SLC9C1: variants seen among roughly 807,000 people sequenced by gnomAD.
SLC9C1 encodes solute carrier family 9 member C1.
In SLC9C1, 97 loss-of-function variants were observed where a neutral mutation model predicts 140.9. The observed-to-expected ratio is 0.69, with a 90% CI of 0.58 to 0.82. The LOEUF (loss-of-function observed/expected upper bound fraction) is 0.82, where lower values mean the gene tolerates loss of function less well. Among genes scored for constraint, SLC9C1 ranks in the 40% least tolerant of loss-of-function variants. The pLI, the probability that SLC9C1 is intolerant of heterozygous loss-of-function variation, is 0.00. For missense variants in SLC9C1, 1,340 were observed against 1,389.3 expected (o/e 0.96, Z 0.56); for synonymous variants, 440 against 442.6 (o/e 0.99, Z 0.07).
intron 3 of SLC9C1, 97 bp downstream of exon 3, chr3:112,280,586 G>A: frequency 1.0e-6 from 1 of 964,600 alleles, no homozygotes; most frequent in Non-Finnish European, 1.5e-6. Flanking sequence ...TGGCAGAACA[G>A]TGAGGGGATG....
intron 26 of SLC9C1, among the ~76,000 whole-genome samples, chr3:112,156,207 G>A (rs1228563071): frequency 6.6e-6 from 1 of 151,916 alleles, no homozygotes; most frequent in Non-Finnish European, 1.5e-5. Context: ...ATACTTCTAT[G>A]AGATCCACTT....
chr3:112,217,365 G>T, intron 15 of SLC9C1, 77 bp downstream of exon 15: 1 of 1,482,924 alleles, frequency 6.7e-7, no homozygotes, highest in South Asian at 1.5e-5. Flanking sequence ...AAAAATTCAA[G>T]ATACCATTTT....
intron 6 of SLC9C1, among the ~76,000 whole-genome samples, chr3:112,273,570 G>T (rs956642935): frequency 6.6e-6 from 1 of 152,112 alleles, no homozygotes; most frequent in Non-Finnish European, 1.5e-5. Flanking sequence ...GGAGGGGTGA[G>T]GGGGTGGTGG....
intron 28 of SLC9C1, among the ~76,000 whole-genome samples, chr3:112,143,881 T>A (rs1459323572): frequency 6.6e-6 from 1 of 152,176 alleles, no homozygotes; most frequent in African/African-American, 2.4e-5. Context: ...TACATTTAAA[T>A]CTTTAATCTG....
intron 13 of SLC9C1, among the ~76,000 whole-genome samples, chr3:112,223,390 C>A (rs2078593758): frequency 6.6e-6 from 1 of 151,974 alleles, no homozygotes; most frequent in Non-Finnish European, 1.5e-5. Context: ...GCCTAGTAAG[C>A]AATTTTTGCT....
At chr3:112,277,461 C>T (rs554216520) in intron 5 of SLC9C1, among the ~76,000 whole-genome samples, 1 of 152,054 alleles carries the variant, frequency 6.6e-6, no homozygotes, top group East Asian at 1.9e-4. Flanking sequence ...AAACTAATCC[C>T]CTCCCCTATT....
Position 112,286,770 on chromosome 3 carries a change from A to G in SLC9C1, c.22T>C (p.Phe8Leu), listed in dbSNP as rs1576533487. The change falls in exon 2 of 29, where the codon TTT becomes CTT. Residue 8 changes from phenylalanine (F) to leucine (L), a missense_variant. Phe to Leu is a conservative substitution (Grantham distance 22, BLOSUM62 0). Coordinates refer to ENST00000305815, the MANE Select transcript of SLC9C1 (RefSeq NM_183061.3). The part of the protein sequence containing the change: MAGIFKE[F>L]FFSTEDLPEV... ...GGGAGGTCCTCAGTACTGAAAAAAAACTCCTTAAATATTCCAGCCATGTTT... is the reference window on the plus strand; with the variant it reads ...GGGAGGTCCTCAGTACTGAAAAAAAGCTCCTTAAATATTCCAGCCATGTTT... The G allele has an allele frequency of 1.9e-6, 3 of 1,612,180 alleles. No individual in the cohort carries two copies. Among genetic ancestry groups the G allele is most frequent in the Middle Eastern group, 1.7e-4 (1 of 6,054 alleles).
chr3:112,169,592 G>A (rs2077207957), intron 23 of SLC9C1, among the ~76,000 whole-genome samples: 1 of 152,092 alleles, frequency 6.6e-6, no homozygotes, highest in Non-Finnish European at 1.5e-5. Context: ...TGATGTATGT[G>A]TATATTTGTA....
rs1003308575 is a variant in SLC9C1, at chr3:112,169,389, G to GT, written c.2920-62dup. On this transcript the variant is annotated intron_variant, in intron 23 of 28. Transcript: ENST00000305815. ...TGTGCACTATGGTTTAAGGAATAAA[G>GT]TTTTTTTGTTTATGTACACTATTAA... The GT allele has an allele frequency of 2.7e-6, 4 of 1,505,108 alleles. No homozygotes were observed. In the East Asian group the frequency reaches 6.8e-5, roughly 26 times the overall value. 93.2% of individuals were successfully genotyped at this position (1,505,108 alleles called of 1,614,324 possible). A position where few individuals can be genotyped will look rare whatever the true frequency, so the allele number is the denominator to read the frequency against.
At chr3:112,205,630 G>GCTA (rs1560063695) in intron 16 of SLC9C1, among the ~76,000 whole-genome samples, 5 of 44,508 alleles carry the variant, frequency 1.1e-4, no homozygotes, top group Admixed American at 3.4e-4. Context: ...GCTGGAAACA[G>GCTA]CATGGTACTG....
At chr3:112,256,719 C>T (rs1220073247) in intron 10 of SLC9C1, among the ~76,000 whole-genome samples, 1 of 152,028 alleles carries the variant, frequency 6.6e-6, no homozygotes, top group Non-Finnish European at 1.5e-5. Context: ...CTGGCCAGGT[C>T]AATCAGGCAA....
chr3:112,248,116 G>A (rs1559711473), intron 10 of SLC9C1, among the ~76,000 whole-genome samples: 1 of 152,126 alleles, frequency 6.6e-6, no homozygotes, highest in Non-Finnish European at 1.5e-5. Context: ...CATATTGCAA[G>A]CTGACCTATG....
chr3:112,265,155 G>C (rs1403830487), intron 8 of SLC9C1, among the ~76,000 whole-genome samples: 1 of 151,956 alleles, frequency 6.6e-6, no homozygotes, highest in Non-Finnish European at 1.5e-5. Context: ...AAATCACTTC[G>C]AGGTTCAGAG....
intron 15 of SLC9C1, among the ~76,000 whole-genome samples, chr3:112,212,623 A>G (rs868453197): frequency 1.6e-4 from 25 of 152,276 alleles, no homozygotes; most frequent in African/African-American, 5.8e-4. Flanking sequence ...AAGATCAAAT[A>G]AATGAAATGA....
At chr3:112,163,923 C>T (rs1345417802) in intron 26 of SLC9C1, among the ~76,000 whole-genome samples, 2 of 152,074 alleles carry the variant, frequency 1.3e-5, no homozygotes, top group African/African-American at 4.8e-5. Flanking sequence ...CTTTGTAGGT[C>T]ACTCAGGACT....
At chr3:112,180,303 C>T (rs2077414905) in intron 22 of SLC9C1, among the ~76,000 whole-genome samples, 1 of 152,172 alleles carries the variant, frequency 6.6e-6, no homozygotes, top group Admixed American at 6.5e-5. Context: ...GGGCGGATCA[C>T]CTGAGGTCAG....
intron 23 of SLC9C1, among the ~76,000 whole-genome samples, chr3:112,178,261 C>T (rs2077376465): frequency 6.6e-6 from 1 of 151,982 alleles, no homozygotes; most frequent in African/African-American, 2.4e-5. Flanking sequence ...TTCTCAGCCT[C>T]CCAAGTAGCT....
chr3:112,157,075 T>C (rs6796382), intron 26 of SLC9C1, among the ~76,000 whole-genome samples: 151,456 of 152,144 alleles, frequency 1, 75,389 homozygotes, highest in Middle Eastern at 1. Flanking sequence ...TCTTTTGTGG[T>C]CTTAGGCAAA....
intron 25 of SLC9C1, 77 bp downstream of exon 25, chr3:112,168,800 T>A (rs1387534047): frequency 3.9e-6 from 5 of 1,297,648 alleles, no homozygotes; most frequent in Admixed American, 2.4e-5. Flanking sequence ...AAGATTATAG[T>A]GACAGTTTTT....
Sources: allele counts gnomAD v4.1 joint callset (sites outside exome capture counted in the v4.1 genomes callset), GRCh38; gene constraint gnomAD v4.1.1; transcripts MANE v1.5; gene names NCBI Gene and HGNC (gene_info 2026-07-23, HGNC 2026-07-21).